VWA8: variants seen among roughly 807,000 people sequenced by gnomAD.
The protein encoded by VWA8 is von Willebrand factor A domain-containing protein 8.
A neutral mutation model predicts 241.5 loss-of-function variants in VWA8; 221 were observed. The observed-to-expected ratio is 0.91, with a 90% CI of 0.82 to 1.02. The LOEUF is 1.02. Among genes scored for constraint, VWA8 ranks in the 50% least tolerant of loss-of-function variants. VWA8 has a pLI of 0.00. For missense variants in VWA8, 2,322 were observed against 2,328.7 expected (o/e 1.00, Z 0.06); for synonymous variants, 852 against 827.1 (o/e 1.03, Z -0.52).
At chr13:41,589,894 AAG>A in intron 41 of VWA8, among the ~76,000 whole-genome samples, 1 of 152,250 alleles carries the variant, frequency 6.6e-6, no homozygotes, top group East Asian at 1.9e-4. Context: ...CTTTTCCCTT[AAG>A]AAGAAGGGTA....
rs9562342 is a variant in VWA8 at position 41,711,612 on chromosome 13, T to C, written c.3116+7979A>G. 3.9e-3 allele frequency among the ~76,000 whole-genome samples: 592 copies of C among 152,304 alleles called. 1 individual carries two copies. The highest frequency in any genetic ancestry group is 0.02 in the East Asian group (103 of 5,178). ...ATTTCAGGCCGGGCATGGTGGCTCA[T>C]GCCTGTAATCCCAGCACTTTGGGAG... On this transcript the variant is annotated intron_variant, in intron 26 of 44. Transcript: ENST00000379310.
chr13:41,899,334 G>A (rs1412548068), intron 4 of VWA8, among the ~76,000 whole-genome samples: 1 of 152,164 alleles, frequency 6.6e-6, no homozygotes, highest in African/African-American at 2.4e-5. Flanking sequence ...AATATTATAA[G>A]GGGATTGCAA....
intron 2 of VWA8, among the ~76,000 whole-genome samples, chr13:41,922,089 T>C (rs144585887): frequency 0.014 from 2,198 of 152,214 alleles, 30 homozygotes; most frequent in Middle Eastern, 0.037. Flanking sequence ...AACAGAGATA[T>C]AGATCAATGG....
chr13:41,950,667 CTTT>C (rs373790890), intron 1 of VWA8, among the ~76,000 whole-genome samples: 2 of 119,514 alleles, frequency 1.7e-5, no homozygotes, highest in Non-Finnish European at 3.4e-5. Flanking sequence ...CACACTCAGC[CTTT>C]TTTTTTTTTT....
chr13:41,946,509 A>AAT (rs1478984829), intron 2 of VWA8, among the ~76,000 whole-genome samples: 3 of 152,234 alleles, frequency 2.0e-5, no homozygotes, highest in African/African-American at 7.2e-5. Context: ...GTATGACAAT[A>AAT]ATAGCACTGA....
At position 41,947,595 on chromosome 13, in the gene VWA8, C is replaced by T. The variant is rs182902119; in HGVS notation, c.241+2341G>A. On this transcript the variant is annotated intron_variant, in intron 2 of 44. Coordinates refer to ENST00000379310, the MANE Select transcript of VWA8 (RefSeq NM_015058.2). ...GTGAGGATGTGGAAAAACTAGAATC[C>T]TCACACATTGCTAGTTAGAATGTAA... Among the ~76,000 whole-genome samples the T allele has an allele frequency of 1.7e-3, 258 of 152,262 alleles. 2 individuals carry two copies. The highest frequency in any genetic ancestry group is 5.7e-3 in the African/African-American group (237 of 41,548).
chr13:41,814,459 G>A (rs1174121763), intron 16 of VWA8, among the ~76,000 whole-genome samples: 2 of 151,880 alleles, frequency 1.3e-5, no homozygotes, highest in Non-Finnish European at 2.9e-5. Flanking sequence ...GAGTATAAGC[G>A]GTATTAGAAA....
intron 39 of VWA8, among the ~76,000 whole-genome samples, chr13:41,610,680 C>T (rs1199802472): frequency 4.6e-5 from 7 of 152,266 alleles, no homozygotes; most frequent in East Asian, 1.9e-4. Flanking sequence ...TTTCTAACTG[C>T]GCCCATCTCC....
At chr13:41,580,241 A>G (rs1025560462) in intron 42 of VWA8, among the ~76,000 whole-genome samples, 3 of 152,174 alleles carry the variant, frequency 2.0e-5, no homozygotes, top group Admixed American at 1.3e-4. Flanking sequence ...GGGTTGGCCA[A>G]TATTTCTACA....
At chr13:41,813,536 C>G (rs1047367546) in intron 16 of VWA8, among the ~76,000 whole-genome samples, 2 of 152,068 alleles carry the variant, frequency 1.3e-5, no homozygotes, top group East Asian at 3.9e-4. Context: ...CCAGAGGATT[C>G]TTATAAGAGT....
chr13:41,828,819 T>C (rs945474370), intron 14 of VWA8, among the ~76,000 whole-genome samples: 8 of 151,540 alleles, frequency 5.3e-5, no homozygotes, highest in Non-Finnish European at 1.0e-4. Flanking sequence ...TTCAATAATA[T>C]CATATAACAT....
At chr13:41,679,946 T>C (rs898680014) in intron 35 of VWA8, among the ~76,000 whole-genome samples, 4 of 150,248 alleles carry the variant, frequency 2.7e-5, no homozygotes, top group Admixed American at 1.3e-4. Context: ...TGGTGCCCTC[T>C]TGATGTTTCA....
intron 20 of VWA8, among the ~76,000 whole-genome samples, chr13:41,771,192 G>C (rs1257343567): frequency 1.3e-5 from 2 of 151,922 alleles, no homozygotes. Flanking sequence ...CTGTGATCTC[G>C]GCTCACTGCA....
At chr13:41,571,879 C>T (rs2044307862) in intron 43 of VWA8, among the ~76,000 whole-genome samples, 1 of 151,726 alleles carries the variant, frequency 6.6e-6, no homozygotes, top group Admixed American at 6.6e-5. Flanking sequence ...CTCTTCCCGG[C>T]CGCCATCCTG....
chr13:41,897,275 A>T (rs1205852966), intron 4 of VWA8, among the ~76,000 whole-genome samples: 2 of 152,188 alleles, frequency 1.3e-5, no homozygotes, highest in Admixed American at 1.3e-4. Context: ...ATTTCTCAAA[A>T]GAAGACGTAC....
intron 39 of VWA8, among the ~76,000 whole-genome samples, chr13:41,605,601 G>A (rs2044548813): frequency 6.6e-6 from 1 of 152,094 alleles, no homozygotes. Flanking sequence ...GTGCACAATT[G>A]ACTCTCATGA....
intron 21 of VWA8, among the ~76,000 whole-genome samples, chr13:41,754,876 C>T (rs940054919): frequency 8.6e-5 from 12 of 138,832 alleles, no homozygotes; most frequent in Non-Finnish European, 5.0e-5. Flanking sequence ...CTGTGCCTGG[C>T]TTATGTCGCT....
intron 20 of VWA8, among the ~76,000 whole-genome samples, chr13:41,761,645 A>AT (rs1355579923): frequency 1.3e-5 from 2 of 151,966 alleles, no homozygotes; most frequent in African/African-American, 4.8e-5. Context: ...ATAATACTGT[A>AT]TTTTTTCTAT....
In VWA8 at chr13:41,830,546, A is replaced by G; in HGVS notation, c.1683T>C (p.Asp561=). ...MRLKEELQLS[D]EQLQKRSIFP... Reference sequence around the variant, plus strand: ...CAAATTACCTCTTCTGTAGCTGTTCATCAGACAGTTGCAGCTCCTCCTTTA... The same window carrying G: ...CAAATTACCTCTTCTGTAGCTGTTCGTCAGACAGTTGCAGCTCCTCCTTTA... The change falls in exon 14 of 45, where the codon GAT becomes GAC. Residue 561 remains aspartate (D), a synonymous_variant. Coordinates refer to ENST00000379310, the MANE Select transcript of VWA8 (RefSeq NM_015058.2). 1 of 1,613,806 alleles carries G rather than the reference A, an allele frequency of 6.2e-7. No individual in the cohort carries two copies. The highest frequency in any genetic ancestry group is 8.5e-7 in the Non-Finnish European group (1 of 1,179,786).
Sources: allele counts gnomAD v4.1 joint callset (sites outside exome capture counted in the v4.1 genomes callset), GRCh38; gene constraint gnomAD v4.1.1; transcripts MANE v1.5; gene names NCBI Gene and HGNC (gene_info 2026-07-23, HGNC 2026-07-21).